The following NHS variants were observed in gnomAD, a reference collection of about 807,000 sequenced individuals.
NHS encodes the protein NHS actin remodeling regulator.
NHS carries 5 observed loss-of-function variants against 72.5 expected under a neutral mutation model. The ratio of observed to expected loss-of-function variants is 0.07; its 90% confidence interval spans 0.04 to 0.14. The LOEUF is 0.14. Ranked by LOEUF, NHS falls within the 10% of genes least tolerant of loss-of-function variation. The pLI is 1.00. For synonymous variants in NHS, 464 were observed against 547.7 expected (o/e 0.85, Z 2.13); for missense variants, 1,072 against 1,355.7 (o/e 0.79, Z 3.29).
At chrX:17,622,130 C>G (rs144397026) in intron 1 of NHS, among the ~76,000 whole-genome samples, 2,536 of 111,873 alleles carry the variant, frequency 0.023, 68 homozygotes, top group African/African-American at 0.075. Flanking sequence ...CAAACCTTGA[C>G]CATTTGACTG....
At chrX:17,500,910 G>A (rs773051367) in intron 1 of NHS, among the ~76,000 whole-genome samples, 61 of 111,581 alleles carry the variant, frequency 5.5e-4, no homozygotes, top group Non-Finnish European at 7.7e-4. Context: ...GTTTTAAAGG[G>A]TTATTTGAGA....
At chrX:17,543,557 C>T (rs766739674) in intron 1 of NHS, among the ~76,000 whole-genome samples, 19 of 112,110 alleles carry the variant, frequency 1.7e-4, no homozygotes, top group Middle Eastern at 4.2e-3. Context: ...GGAAAACATG[C>T]GCATTGTCTG....
chrX:17,618,704 A>G (rs2065758308), intron 1 of NHS, among the ~76,000 whole-genome samples: 2 of 112,314 alleles, frequency 1.8e-5, no homozygotes, highest in Non-Finnish European at 3.8e-5. Flanking sequence ...AATTTTATAT[A>G]CTTGAACATT....
chrX:17,399,150 G>A (rs774206472), intron 1 of NHS, among the ~76,000 whole-genome samples: 11 of 108,898 alleles, frequency 1.0e-4, no homozygotes, highest in African/African-American at 1.3e-4. Flanking sequence ...TGCCCAGGCC[G>A]GAGTGCAGTG....
In NHS at chrX:17,554,968, T is replaced by G. The variant is rs182619195; in HGVS notation, c.566-132774T>G. Among the ~76,000 whole-genome samples the G allele has an allele frequency of 5.4e-5, 6 of 111,087 alleles. No homozygotes were observed. The East Asian group carries it at 1.7e-3, about 31-fold the overall frequency. ...GCACCCATCAACCCGTCATCTACGT[T>G]AAGCTATTTCTCCTAACGCTATCCC... is the stretch of plus-strand genomic sequence containing the variant. On this transcript the variant is annotated intron_variant, in intron 1 of 8. Transcript: ENST00000676302.
chrX:17,548,948 C>T (rs1045970916), intron 1 of NHS, among the ~76,000 whole-genome samples: 1 of 109,283 alleles, frequency 9.2e-6, no homozygotes, highest in African/African-American at 3.3e-5. Context: ...TAACGTCATA[C>T]TTGTCCCTTT....
In NHS at chrX:17,435,141, A is replaced by C. The variant is rs769990798; in HGVS notation, c.565+58819A>C. 6.2e-5 allele frequency among the ~76,000 whole-genome samples: 7 copies of C among 112,050 alleles called. No individual in the cohort carries two copies. The East Asian group carries it at 2.0e-3, about 32-fold the overall frequency. ...GGAGCCACATGAGGTAGACTGGGCC[A>C]ATTAACTCAGAATCTTGGGTGGGGT... On this transcript the variant is annotated intron_variant, in intron 1 of 8. Coordinates refer to ENST00000676302, the MANE Select transcript of NHS (RefSeq NM_001291867.2).
chrX:17,698,708 T>G (rs2066245607), intron 3 of NHS, among the ~76,000 whole-genome samples: 1 of 111,590 alleles, frequency 9.0e-6, no homozygotes, highest in South Asian at 3.7e-4. Context: ...AAACAGAATA[T>G]AACATCATAT....
At chrX:17,715,012 T>C (rs1439427870) in intron 3 of NHS, among the ~76,000 whole-genome samples, 1 of 112,569 alleles carries the variant, frequency 8.9e-6, no homozygotes. Context: ...CTTTATTTTA[T>C]TTTTAAGGTT....
intron 3 of NHS, chrX:17,705,522 G>T: frequency 8.8e-6 from 1 of 114,046 alleles, no homozygotes. Context: ...CACTGCAGGA[G>T]ATGTTGTCTA....
intron 1 of NHS, among the ~76,000 whole-genome samples, chrX:17,618,785 C>CCT (rs1275131564): frequency 2.7e-5 from 3 of 111,915 alleles, no homozygotes; most frequent in African/African-American, 9.7e-5. Context: ...CTGATTGTCA[C>CCT]CTGGAGGAGG....
intron 1 of NHS, among the ~76,000 whole-genome samples, chrX:17,652,948 T>G (rs943607344): frequency 1.8e-5 from 2 of 111,305 alleles, no homozygotes; most frequent in African/African-American, 6.5e-5. Flanking sequence ...ACTCAGTCCT[T>G]AGAATGTCAG....
At chrX:17,408,922 TAGAC>T (rs1321538697) in intron 1 of NHS, among the ~76,000 whole-genome samples, 2 of 107,821 alleles carry the variant, frequency 1.9e-5, no homozygotes, top group Non-Finnish European at 3.8e-5. Context: ...CCTCACATGT[TAGAC>T]AGAGAGAGGG....
chrX:17,471,398 G>T (rs1310897669), intron 1 of NHS, among the ~76,000 whole-genome samples: 2 of 112,351 alleles, frequency 1.8e-5, no homozygotes, highest in East Asian at 5.6e-4. Flanking sequence ...TCTCTCCTTT[G>T]CCAAGCTTTC....
chrX:17,442,047 G>A (rs935886031), intron 1 of NHS, among the ~76,000 whole-genome samples: 1 of 112,331 alleles, frequency 8.9e-6, no homozygotes, highest in African/African-American at 3.2e-5. Flanking sequence ...TTAGTAATAA[G>A]CTTCTGCTGC....
chrX:17,512,992 T>A (rs191554311), intron 1 of NHS, among the ~76,000 whole-genome samples: 5 of 112,094 alleles, frequency 4.5e-5, no homozygotes, highest in Non-Finnish European at 7.5e-5. Flanking sequence ...CCAAGTTACC[T>A]GGTCTCACCT....
At chrX:17,671,198 G>A (rs1184333799) in intron 1 of NHS, among the ~76,000 whole-genome samples, 2 of 112,516 alleles carry the variant, frequency 1.8e-5, no homozygotes, top group African/African-American at 6.5e-5. Flanking sequence ...GGGTGTGTTA[G>A]AACAAAGAGT....
At chrX:17,693,053 T>C (rs1482858241) in intron 3 of NHS, among the ~76,000 whole-genome samples, 2 of 112,006 alleles carry the variant, frequency 1.8e-5, no homozygotes, top group East Asian at 5.6e-4. Context: ...AGTAATCATG[T>C]CATCATTTCA....
chrX:17,663,435 T>C (rs1184781507), intron 1 of NHS, among the ~76,000 whole-genome samples: 2 of 112,128 alleles, frequency 1.8e-5, no homozygotes, highest in African/African-American at 6.5e-5. Context: ...TTCTATCATA[T>C]AGATTAGATT....
Sources: allele counts gnomAD v4.1 joint callset (sites outside exome capture counted in the v4.1 genomes callset), GRCh38; gene constraint gnomAD v4.1.1; transcripts MANE v1.5; gene names NCBI Gene and HGNC (gene_info 2026-07-23, HGNC 2026-07-21).